Variants in MICAL3 observed in about 807,000 individuals in gnomAD.
MICAL3 encodes [F-actin]-monooxygenase MICAL3.
Under a neutral mutation model 207.4 loss-of-function variants are expected in MICAL3, and 62 were observed. That is an observed-to-expected ratio of 0.30 (90% CI 0.24 to 0.37). MICAL3 has a LOEUF of 0.37. Among genes scored for constraint, MICAL3 ranks in the 10% least tolerant of loss-of-function variants. MICAL3 has a pLI of 1.00. For missense variants in MICAL3, 2,368 were observed against 2,635.6 expected (o/e 0.90, Z 2.22); for synonymous variants, 1,077 against 1,069.3 (o/e 1.01, Z -0.14).
In MICAL3 at chr22:17,989,590, C is replaced by A. The variant is rs766597523; in HGVS notation, c.-75+34691G>T. ...CCCTGAGCCTGCGCTCACCCCAGCA[C>A]CCCCACATCTCACTTAAGACAATCC... On this transcript the variant is annotated intron_variant, in intron 1 of 31. Coordinates refer to ENST00000441493, the MANE Select transcript of MICAL3 (RefSeq NM_015241.3). Among the ~76,000 whole-genome samples the A allele has an allele frequency of 3.9e-5, 6 of 152,210 alleles. No homozygotes were observed. In the South Asian group the frequency reaches 1.0e-3, roughly 26 times the overall value.
At chr22:17,848,362 TG>T (rs1247674414) in intron 19 of MICAL3, among the ~76,000 whole-genome samples, 5 of 152,158 alleles carry the variant, frequency 3.3e-5, no homozygotes, top group Non-Finnish European at 7.3e-5. Context: ...CCTCACATAC[TG>T]GGAAACGGGG....
intron 22 of MICAL3, chr22:17,826,662 G>T: frequency 4.8e-6 from 1 of 210,380 alleles, no homozygotes; most frequent in Non-Finnish European, 8.3e-6. Context: ...AACAAGGGGT[G>T]CGAGCCCTGA....
At chr22:18,023,504 A>G (rs1924613075) in intron 1 of MICAL3, among the ~76,000 whole-genome samples, 1 of 152,178 alleles carries the variant, frequency 6.6e-6, no homozygotes, top group Admixed American at 6.5e-5. Context: ...TAGGGAGGAG[A>G]GAGGAGGGAA....
intron 22 of MICAL3, among the ~76,000 whole-genome samples, chr22:17,823,637 T>G (rs796979237): frequency 5.3e-4 from 80 of 152,258 alleles, no homozygotes; most frequent in African/African-American, 1.9e-3. Context: ...TTAAAAATAT[T>G]ATATAAAATT....
Position 17,877,297 on chromosome 22 carries a change from GGGAGGTTAT to G in MICAL3, c.2242-5283_2242-5275del, listed in dbSNP as rs1928767853. ...GAGGTTAGGGAGGTTATGGAGGTTAGGGAGGTTATGGAGGTTAGGGAGGTTAGGGAGGTT... is the reference window on the plus strand; with the variant it reads ...GAGGTTAGGGAGGTTATGGAGGTTAGGGAGGTTAGGGAGGTTAGGGAGGTT... On this transcript the variant is annotated intron_variant, in intron 16 of 31. Transcript: ENST00000441493. 1.9e-5 allele frequency among the ~76,000 whole-genome samples: 2 copies of G among 104,116 alleles called. 1 individual carries two copies. Among genetic ancestry groups the G allele is most frequent in the South Asian group, 5.8e-4 (2 of 3,456 alleles). The allele number at this position is 104,116 out of a possible 152,430, so 68.3% of individuals were successfully genotyped here.
intron 1 of MICAL3, among the ~76,000 whole-genome samples, chr22:17,928,208 G>C (rs572080237): frequency 6.6e-5 from 10 of 152,256 alleles, no homozygotes; most frequent in Non-Finnish European, 1.0e-4. Context: ...GGGAGGCCGA[G>C]GCGGGCGCAT....
intron 19 of MICAL3, among the ~76,000 whole-genome samples, chr22:17,853,544 T>C (rs1295901388): frequency 1.3e-5 from 2 of 152,276 alleles, no homozygotes; most frequent in Non-Finnish European, 2.9e-5. Context: ...TGTAATGCTT[T>C]TAAATAAACA....
Position 17,904,737 on chromosome 22 carries a change from G to A in MICAL3, c.367C>T (p.Arg123Cys), listed in dbSNP as rs867645058. The change falls in exon 3 of 32, where the codon CGC (arginine) becomes TGC (cysteine). Residue 123 changes from arginine to cysteine, a missense_variant. Coordinates refer to ENST00000441493, the MANE Select transcript of MICAL3 (RefSeq NM_015241.3). Reference sequence around the variant, plus strand: ...GGCCAGAGATGCAAGACGTTGTTGCGGGAGAAGGCATCTCGTTTCTCAATA... The same window carrying A: ...GGCCAGAGATGCAAGACGTTGTTGCAGGAGAAGGCATCTCGTTTCTCAATA... ...VVIEKRDAFS[R>C]NNVLHLWPFT... 1.2e-6 allele frequency: 2 copies of A among 1,613,710 alleles called. No individual in the cohort carries two copies. The highest frequency in any genetic ancestry group is 1.7e-6 in the Non-Finnish European group (2 of 1,179,626).
At chr22:17,920,878 T>C (rs1301176792) in intron 1 of MICAL3, among the ~76,000 whole-genome samples, 1 of 152,068 alleles carries the variant, frequency 6.6e-6, no homozygotes, top group Non-Finnish European at 1.5e-5. Context: ...AGCCCCGAGA[T>C]TCCCAGTGTG....
At chr22:17,865,765 T>A (rs532208825) in intron 18 of MICAL3, among the ~76,000 whole-genome samples, 159 bp downstream of exon 18, 1 of 152,312 alleles carries the variant, frequency 6.6e-6, no homozygotes, top group South Asian at 2.1e-4. Flanking sequence ...GAAAAGATGG[T>A]TCCCTCTCCA....
At chr22:17,898,900 G>A (rs927096044) in intron 7 of MICAL3, among the ~76,000 whole-genome samples, 1 of 152,138 alleles carries the variant, frequency 6.6e-6, no homozygotes, top group Non-Finnish European at 1.5e-5. Flanking sequence ...AGTGCTGCCT[G>A]GACCTCTGAA....
intron 19 of MICAL3, among the ~76,000 whole-genome samples, chr22:17,859,677 G>A (rs917504237): frequency 6.6e-6 from 1 of 152,234 alleles, no homozygotes; most frequent in African/African-American, 2.4e-5. Flanking sequence ...AGGCTGTTGT[G>A]CCTGCGGGCA....
intron 1 of MICAL3, among the ~76,000 whole-genome samples, chr22:17,958,664 T>C (rs1054766099): frequency 2.4e-4 from 36 of 152,002 alleles, no homozygotes; most frequent in African/African-American, 8.4e-4. Flanking sequence ...CAGGGCAGCC[T>C]GGTCTCAGGG....
At chr22:17,809,743 T>C (rs1039953979) in intron 28 of MICAL3, among the ~76,000 whole-genome samples, 12 of 152,152 alleles carry the variant, frequency 7.9e-5, no homozygotes, top group African/African-American at 2.7e-4. Context: ...TCTGACCTCT[T>C]CCCACAAAAA....
At chr22:17,809,063 C>T (rs1012186968) in intron 28 of MICAL3, 126 bp from the exon 29 acceptor site, 48 of 784,304 alleles carry the variant, frequency 6.1e-5, no homozygotes, top group Admixed American at 2.9e-4. Context: ...AGTCTGTGGG[C>T]GGTGCGCTCA....
chr22:17,968,141 G>A (rs1247013757), intron 1 of MICAL3, among the ~76,000 whole-genome samples: 9 of 152,224 alleles, frequency 5.9e-5, no homozygotes. Flanking sequence ...GGAAGAAAGG[G>A]TGGATCTGAG....
At chr22:17,834,471 T>C (rs1923148878) in intron 20 of MICAL3, 1 of 1,274,586 alleles carries the variant, frequency 7.8e-7, no homozygotes, top group Non-Finnish European at 1.0e-6. Context: ...ATCCCAGCAC[T>C]GTGGGAGGCT....
intron 1 of MICAL3, among the ~76,000 whole-genome samples, chr22:18,016,749 G>A (rs1924079580): frequency 3.9e-5 from 6 of 152,050 alleles, no homozygotes; most frequent in Admixed American, 3.9e-4. Context: ...GACCATCCTG[G>A]CTAACACAGT....
chr22:17,918,378 CAATT>C (rs376616087), intron 1 of MICAL3, among the ~76,000 whole-genome samples: 25 of 152,118 alleles, frequency 1.6e-4, no homozygotes, highest in African/African-American at 5.5e-4. Context: ...TTTAAAATAA[CAATT>C]AACATATCTT....
Sources: gnomAD v4.1 joint callset for allele counts (sites outside exome capture counted in the v4.1 genomes callset) on GRCh38, gnomAD v4.1.1 for gene constraint, MANE v1.5 for transcripts, NCBI Gene and HGNC (gene_info 2026-07-23, HGNC 2026-07-21) for gene names.